SHROOM2: variants seen among roughly 807,000 people sequenced by gnomAD.
The protein encoded by SHROOM2 is protein Shroom2.
SHROOM2 carries 33 observed loss-of-function variants against 75.9 expected under a neutral mutation model. That is an observed-to-expected ratio of 0.43 (90% CI 0.33 to 0.58). The LOEUF is 0.58. Ranked by LOEUF, SHROOM2 falls within the 20% of genes least tolerant of loss-of-function variation. The pLI, the probability that SHROOM2 is intolerant of heterozygous loss-of-function variation, is 0.04. For missense variants in SHROOM2, 1,434 were observed against 1,461.2 expected (o/e 0.98, Z 0.30); for synonymous variants, 655 against 663.6 (o/e 0.99, Z 0.20).
At chrX:9,824,902 C>G (rs756014698) in intron 1 of SHROOM2, among the ~76,000 whole-genome samples, 2 of 111,567 alleles carry the variant, frequency 1.8e-5, no homozygotes, top group Admixed American at 9.5e-5. Flanking sequence ...CCATCTCCTG[C>G]GGGACACTTG....
Position 9,891,048 on chromosome X carries a change from C to A in SHROOM2, c.389C>A (p.Ala130Glu). Reference protein sequence around the residue: ...TKFSDSHPELAASPFTSTSGC... With the variant: ...TKFSDSHPELEASPFTSTSGC... ...TTCTCTGACAGCCACCCCGAGCTAG[C>A]GGCCTCCCCATTCACCTCCACCAGC... The change falls in exon 3 of 10, where the codon GCG becomes GAG. Residue 130 changes from alanine to glutamate, a missense_variant. By Grantham distance (107) the Ala-to-Glu change is moderately radical. Around this residue, in one of 3 missense-constraint regions of SHROOM2, gnomAD observed 1,340 missense variants for 1,338.3 expected, o/e 1.00. Coordinates refer to ENST00000380913, the MANE Select transcript of SHROOM2 (RefSeq NM_001649.4). 1 of 1,201,846 alleles carries A rather than the reference C, an allele frequency of 8.3e-7. No individual in the cohort carries two copies. Among genetic ancestry groups the A allele is most frequent in the Non-Finnish European group, 1.1e-6 (1 of 890,434 alleles).
intron 1 of SHROOM2, among the ~76,000 whole-genome samples, chrX:9,806,832 T>C (rs1002735836): frequency 1.8e-5 from 2 of 110,244 alleles, no homozygotes; most frequent in African/African-American, 6.6e-5. Context: ...CAAGCAATTC[T>C]CATGCTTCAG....
At chrX:9,819,931 C>G (rs1204304749) in intron 1 of SHROOM2, among the ~76,000 whole-genome samples, 1 of 108,446 alleles carries the variant, frequency 9.2e-6, no homozygotes, top group Non-Finnish European at 1.9e-5. Context: ...GTAGCTGGGA[C>G]TACAGGCACC....
At chrX:9,897,680 C>CAAAAAAAAAAAAA (rs56026461) in intron 4 of SHROOM2, among the ~76,000 whole-genome samples, 4 of 70,576 alleles carry the variant, frequency 5.7e-5, no homozygotes, top group African/African-American at 2.4e-4. Context: ...GACCCTGTCT[C>CAAAAAAAAAAAAA]AAAAAAAAAA....
intron 2 of SHROOM2, among the ~76,000 whole-genome samples, chrX:9,882,196 T>TTG (rs58687419): frequency 9.5e-6 from 1 of 105,134 alleles, no homozygotes; most frequent in African/African-American, 3.5e-5. Context: ...TTTTTTTTTT[T>TTG]GGTATGGCTT....
chrX:9,857,806 G>T (rs1033611885), intron 1 of SHROOM2, among the ~76,000 whole-genome samples: 3 of 110,714 alleles, frequency 2.7e-5, no homozygotes, highest in African/African-American at 6.6e-5. Context: ...TGCAAAATTC[G>T]TGCATCCTGG....
intron 5 of SHROOM2, among the ~76,000 whole-genome samples, chrX:9,914,931 T>G (rs1277920087): frequency 2.7e-5 from 3 of 111,377 alleles, no homozygotes; most frequent in Non-Finnish European, 5.7e-5. Context: ...TTCACATCCC[T>G]TATCCAGTTT....
chrX:9,818,635 G>A (rs2083835666), intron 1 of SHROOM2: 1 of 339,770 alleles, frequency 2.9e-6, no homozygotes, highest in African/African-American at 2.7e-5. Flanking sequence ...AATGGTGCCT[G>A]TATTTCTTAT....
chrX:9,841,148 G>A (rs982468023), intron 1 of SHROOM2, among the ~76,000 whole-genome samples: 7 of 111,595 alleles, frequency 6.3e-5, no homozygotes, highest in Non-Finnish European at 1.3e-4. Flanking sequence ...TAGAGATGGG[G>A]TTTCACTGTT....
intron 1 of SHROOM2, among the ~76,000 whole-genome samples, chrX:9,810,024 T>G (rs973265019): frequency 1.4e-4 from 16 of 111,912 alleles, no homozygotes; most frequent in African/African-American, 4.5e-4. Flanking sequence ...GAAAAGAAAA[T>G]AAAGATATTT....
At chrX:9,862,092 C>T (rs1362721410) in intron 1 of SHROOM2, among the ~76,000 whole-genome samples, 3 of 112,056 alleles carry the variant, frequency 2.7e-5, no homozygotes, top group East Asian at 2.8e-4. Flanking sequence ...GCACAGAGAT[C>T]GTGTACATGC....
chrX:9,867,289 G>T (rs1035961006), intron 1 of SHROOM2, among the ~76,000 whole-genome samples: 2 of 111,404 alleles, frequency 1.8e-5, no homozygotes, highest in African/African-American at 6.5e-5. Flanking sequence ...AACAGTATTT[G>T]CCCGGGTGTG....
At chrX:9,793,399 C>T (rs141009319) in intron 1 of SHROOM2, among the ~76,000 whole-genome samples, 1,302 of 109,431 alleles carry the variant, frequency 0.012, 19 homozygotes, top group African/African-American at 0.04. Flanking sequence ...AAGCGATCCT[C>T]CCACCTCACC....
chrX:9,897,680 C>A (rs866214168), intron 4 of SHROOM2, among the ~76,000 whole-genome samples: 39 of 70,513 alleles, frequency 5.5e-4, no homozygotes, highest in Middle Eastern at 9.7e-3. Flanking sequence ...GACCCTGTCT[C>A]AAAAAAAAAA....
intron 1 of SHROOM2, among the ~76,000 whole-genome samples, chrX:9,794,780 T>C (rs1205698064): frequency 8.9e-6 from 1 of 112,443 alleles, no homozygotes; most frequent in Non-Finnish European, 1.9e-5. Context: ...TCACTAGGGT[T>C]CAGGATAGTT....
At chrX:9,868,800 G>A (rs2084156388) in intron 1 of SHROOM2, among the ~76,000 whole-genome samples, 1 of 81,713 alleles carries the variant, frequency 1.2e-5, no homozygotes, top group South Asian at 8.0e-4. Context: ...GGCTAGTCTC[G>A]AACTCCTGGA....
At chrX:9,921,680 C>T (rs1044628870) in intron 5 of SHROOM2, among the ~76,000 whole-genome samples, 1 of 112,184 alleles carries the variant, frequency 8.9e-6, no homozygotes, top group Non-Finnish European at 1.9e-5. Flanking sequence ...AAATTCTTCA[C>T]GTAAGTGGGA....
intron 1 of SHROOM2, among the ~76,000 whole-genome samples, chrX:9,819,630 T>A (rs1392663801): frequency 9.0e-6 from 1 of 111,249 alleles, no homozygotes; most frequent in Non-Finnish European, 1.9e-5. Flanking sequence ...GCGTCTTGCT[T>A]GTATGCTATG....
At position 9,932,302 on chromosome X, in the gene SHROOM2, G is replaced by C; in HGVS notation, c.3019G>C (p.Glu1007Gln). The C allele has an allele frequency of 8.3e-7, 1 of 1,206,675 alleles. No homozygotes were observed. Among genetic ancestry groups the C allele is most frequent in the Non-Finnish European group, 1.1e-6 (1 of 892,672 alleles). Residue 1007 changes from glutamate (E) to glutamine (Q), a missense_variant, in exon 6 of 10, where the codon GAG (glutamate) becomes CAG (glutamine). Glu to Gln is a conservative substitution (Grantham distance 29). This residue lies in a region of SHROOM2 where 1,340 missense variants were observed against 1,338.3 expected (regional missense o/e 1.00). Transcript: ENST00000380913. ...CCGGGGAGCCCCAGAGCTGCCCCGGGAGGGCCGGGGCCGAGCGGGAACCCT... is the reference window on the plus strand; with the variant it reads ...CCGGGGAGCCCCAGAGCTGCCCCGGCAGGGCCGGGGCCGAGCGGGAACCCT... ...HCRGAPELPR[E>Q]GRGRAGTLPR...
Sources: allele counts gnomAD v4.1 joint callset (sites outside exome capture counted in the v4.1 genomes callset), GRCh38; gene constraint gnomAD v4.1.1; regional missense constraint gnomAD v4.1.1; transcripts MANE v1.5; gene names NCBI Gene and HGNC (gene_info 2026-07-23, HGNC 2026-07-21).